The following PEAK1 variants were observed in gnomAD, a reference collection of about 807,000 sequenced individuals.
PEAK1 encodes the protein pseudopodium enriched atypical kinase 1.
A neutral mutation model predicts 124.7 loss-of-function variants in PEAK1; 54 were observed. The ratio of observed to expected loss-of-function variants is 0.43; its 90% CI spans 0.35 to 0.54. PEAK1 has a LOEUF of 0.54. Among genes scored for constraint, PEAK1 ranks in the 20% least tolerant of loss-of-function variants. PEAK1 has a pLI of 0.01. For synonymous variants in PEAK1, 719 were observed against 760.0 expected, an observed-to-expected ratio of 0.95 and a Z score of 0.89; for missense variants, 2,046 against 2,134.5, an observed-to-expected ratio of 0.96 and a Z score of 0.82.
intron 2 of PEAK1, among the ~76,000 whole-genome samples, chr15:77,320,582 A>C (rs989049488): frequency 6.6e-6 from 1 of 152,218 alleles, no homozygotes; most frequent in African/African-American, 2.4e-5. Context: ...TGGGAGTTAA[A>C]TGACCTTATC....
At chr15:77,353,621 C>T (rs1412621798) in intron 2 of PEAK1, among the ~76,000 whole-genome samples, 4 of 152,070 alleles carry the variant, frequency 2.6e-5, no homozygotes, top group African/African-American at 9.7e-5. Context: ...ACTACTTCTA[C>T]CTAAGGTAAT....
At chr15:77,201,282 G>A (rs1231148195) in intron 6 of PEAK1, among the ~76,000 whole-genome samples, 1 of 136,734 alleles carries the variant, frequency 7.3e-6, no homozygotes, top group Non-Finnish European at 1.5e-5. Flanking sequence ...CTGTCACCCA[G>A]GCTGGAGTGC....
intron 2 of PEAK1, among the ~76,000 whole-genome samples, chr15:77,340,596 CTA>C (rs2066469006): frequency 6.6e-6 from 1 of 152,138 alleles, no homozygotes; most frequent in Non-Finnish European, 1.5e-5. Context: ...ACTCATGAAA[CTA>C]TACAATATAA....
Position 77,408,308 on chromosome 15 carries a change from C to G in PEAK1, c.-666+11698G>C, listed in dbSNP as rs115270300. Among the ~76,000 whole-genome samples, 1,100 of 139,632 alleles carry G rather than the reference C, an allele frequency of 7.9e-3. 15 individuals are homozygous for G. The highest frequency in any genetic ancestry group is 0.028 in the African/African-American group (1,045 of 37,752). 91.6% of individuals were successfully genotyped at this position (139,632 alleles called of 152,430 possible). A position where few individuals can be genotyped will look rare whatever the true frequency, so the allele number is the denominator to read the frequency against. ...CAGGAATGGAAAACCTGAGAACTTA[C>G]AAGTTTTCACTTCTAAGTGGGAGCT... On this transcript the variant is annotated intron_variant, in intron 1 of 9. Coordinates refer to ENST00000682557, the MANE Select transcript of PEAK1 (RefSeq NM_001385026.1).
At chr15:77,154,502 T>C (rs2054944936) in intron 8 of PEAK1, among the ~76,000 whole-genome samples, 1 of 152,212 alleles carries the variant, frequency 6.6e-6, no homozygotes, top group Admixed American at 6.5e-5. Context: ...GTTAATATTG[T>C]TATGTGTGAA....
chr15:77,114,048 G>A lies in PEAK1; in HGVS notation c.*108C>T. ...CCACTTGTTCACGGACAGGGATAGA[G>A]GTTTGCCTTTCTTCTTTCCTTGAAT... On this transcript the variant is annotated 3_prime_UTR_variant, in exon 10 of 10. Coordinates refer to ENST00000682557, the MANE Select transcript of PEAK1 (RefSeq NM_001385026.1). 8.3e-7 allele frequency: 1 copy of A among 1,198,212 alleles called. No homozygotes were observed. The highest frequency in any genetic ancestry group is 1.2e-6 in the Non-Finnish European group (1 of 831,152). The allele number at this position is 1,198,212 out of a possible 1,614,324, so 74.2% of individuals were successfully genotyped here.
At chr15:77,327,974 A>G (rs1432605481) in intron 2 of PEAK1, among the ~76,000 whole-genome samples, 1 of 152,256 alleles carries the variant, frequency 6.6e-6, no homozygotes, top group East Asian at 1.9e-4. Flanking sequence ...GATGCCTCCA[A>G]TATCACAAAT....
intron 1 of PEAK1, among the ~76,000 whole-genome samples, chr15:77,384,930 T>C (rs947916571): frequency 6.6e-6 from 1 of 152,194 alleles, no homozygotes; most frequent in Non-Finnish European, 1.5e-5. Context: ...TTTTTACAAA[T>C]AAACTTGATA....
chr15:77,385,331 T>C (rs925964257), intron 1 of PEAK1, among the ~76,000 whole-genome samples: 7 of 152,174 alleles, frequency 4.6e-5, no homozygotes, highest in Non-Finnish European at 7.4e-5. Flanking sequence ...GTTTTGCAAA[T>C]AGAAGACAAT....
At chr15:77,313,951 C>T (rs1340493616) in intron 2 of PEAK1, among the ~76,000 whole-genome samples, 1 of 151,786 alleles carries the variant, frequency 6.6e-6, no homozygotes, top group Non-Finnish European at 1.5e-5. Context: ...AGAAACCTGG[C>T]AAACACTACC....
chr15:77,117,903 C>T (rs2051541181), intron 9 of PEAK1, among the ~76,000 whole-genome samples: 1 of 152,200 alleles, frequency 6.6e-6, no homozygotes, highest in South Asian at 2.1e-4. Context: ...CAGACACACA[C>T]ATTTTTATAA....
intron 6 of PEAK1, among the ~76,000 whole-genome samples, chr15:77,193,654 A>G (rs2057958563): frequency 6.6e-6 from 1 of 152,188 alleles, no homozygotes; most frequent in South Asian, 2.1e-4. Flanking sequence ...AAATACAAAA[A>G]TTAGCTGTGC....
intron 1 of PEAK1, chr15:77,404,360 G>T: frequency 1.0e-6 from 1 of 977,244 alleles, no homozygotes; most frequent in Non-Finnish European, 1.2e-6. Flanking sequence ...CTGTGGCTAC[G>T]AAGCATCTGA....
intron 2 of PEAK1, among the ~76,000 whole-genome samples, chr15:77,361,258 A>AT (rs1238987545): frequency 5.3e-5 from 8 of 152,316 alleles, no homozygotes; most frequent in African/African-American, 1.9e-4. Flanking sequence ...CCTGGGCAAC[A>AT]TAACTAGACT....
At chr15:77,368,408 C>G (rs1281128740) in intron 1 of PEAK1, among the ~76,000 whole-genome samples, 2 of 151,824 alleles carry the variant, frequency 1.3e-5, no homozygotes, top group African/African-American at 4.8e-5. Flanking sequence ...ATCCTAGCTA[C>G]TAGGGAGGCT....
intron 2 of PEAK1, among the ~76,000 whole-genome samples, chr15:77,321,024 GTA>G (rs2065177715): frequency 6.6e-6 from 1 of 152,178 alleles, no homozygotes; most frequent in African/African-American, 2.4e-5. Flanking sequence ...ACTCCATGGT[GTA>G]TATGTGCCAC....
At chr15:77,391,625 C>T (rs1027211644) in intron 1 of PEAK1, among the ~76,000 whole-genome samples, 5 of 151,852 alleles carry the variant, frequency 3.3e-5, no homozygotes, top group African/African-American at 1.2e-4. Flanking sequence ...GATAACAGTA[C>T]CCACCAGCAA....
chr15:77,257,761 G>C lies in PEAK1; in HGVS notation c.-274-5235C>G, dbSNP rs373254532. Among the ~76,000 whole-genome samples, 18 of 152,168 alleles carry C rather than the reference G, an allele frequency of 1.2e-4. No homozygotes were observed. The South Asian group carries it at 3.7e-3, about 32-fold the overall frequency. ...ATCCCATTTGTCAATTTTGGCTTTT[G>C]TTGCCATTGCTTTTGGTGTTTTAGA... On this transcript the variant is annotated intron_variant, in intron 5 of 9. Coordinates refer to ENST00000682557, the MANE Select transcript of PEAK1 (RefSeq NM_001385026.1).
chr15:77,257,635 T>A lies in PEAK1; in HGVS notation c.-274-5109A>T, dbSNP rs376623886. On this transcript the variant is annotated intron_variant, in intron 5 of 9. Coordinates refer to ENST00000682557, the MANE Select transcript of PEAK1 (RefSeq NM_001385026.1). ...TTAGATTCTGGATATTAGCCCTTTGTCAGATGAGTAGGTTGCAAAAATTCT... is the reference window on the plus strand; with the variant it reads ...TTAGATTCTGGATATTAGCCCTTTGACAGATGAGTAGGTTGCAAAAATTCT... Among the ~76,000 whole-genome samples the A allele has an allele frequency of 3.4e-4, 51 of 151,912 alleles. No individual in the cohort carries two copies. In the East Asian group the frequency reaches 7.3e-3, roughly 22 times the overall value.
Sources: gnomAD v4.1 joint callset for allele counts (sites outside exome capture counted in the v4.1 genomes callset) on GRCh38, gnomAD v4.1.1 for gene constraint, MANE v1.5 for transcripts, NCBI Gene and HGNC (gene_info 2026-07-23, HGNC 2026-07-21) for gene names.